Variants in TRIM17 observed in about 807,000 individuals in gnomAD.
TRIM17 encodes the protein tripartite motif containing 17.
In TRIM17, 27 loss-of-function variants were observed where a neutral mutation model predicts 35.8. The observed-to-expected ratio is 0.75, with a 90% CI of 0.56 to 1.04. The LOEUF (loss-of-function observed/expected upper bound fraction) is 1.04. Among genes scored for constraint, TRIM17 ranks in the 50% least tolerant of loss-of-function variants. The pLI, the probability that TRIM17 is intolerant of heterozygous loss-of-function variation, is 0.00. For synonymous variants in TRIM17, 246 were observed against 252.6 expected (o/e 0.97, Z 0.25); for missense variants, 582 against 612.8 (o/e 0.95, Z 0.53).
chr1:228,413,967 C>A (rs1276213323), intron 2 of TRIM17, 75 bp from the exon 3 acceptor site: 2 of 1,268,998 alleles, frequency 1.6e-6, no homozygotes, highest in East Asian at 2.3e-5. Flanking sequence ...GTTGTGCTCG[C>A]TGAAACTGCA....
At position 228,411,323 on chromosome 1, in the gene TRIM17, A is replaced by C. The variant is rs2149106793; in HGVS notation, c.526-147T>G. The C allele has an allele frequency of 1.6e-6, 1 of 644,740 alleles. No individual in the cohort carries two copies. Among genetic ancestry groups the C allele is most frequent in the South Asian group, 2.0e-5 (1 of 49,206 alleles). The allele number at this position is 644,740 out of a possible 1,614,324, so 39.9% of individuals were successfully genotyped here. On this transcript the variant is annotated intron_variant, in intron 3 of 6. Transcript: ENST00000366698. This position sits in a 1 kb window ranked among gnomAD's most constrained non-coding sequence, Gnocchi z 4.2. ...ACCAGGAACTGTGACAGAGGCCCCC[A>C]CCTCTGCCATCCTGTGATACACTGA...
chr1:228,411,582 A>T lies in TRIM17; in HGVS notation c.526-406T>A, dbSNP rs936677962. Among the ~76,000 whole-genome samples the T allele has an allele frequency of 6.6e-6, 1 of 151,996 alleles. No individual in the cohort carries two copies. The highest frequency in any genetic ancestry group is 1.5e-5 in the Non-Finnish European group (1 of 68,006). ...AACCTTGACCTCCTGGGCTCAAGTCATCTGAGTAGCTGGGACCACAGGCAT... is the reference window on the plus strand; with the variant it reads ...AACCTTGACCTCCTGGGCTCAAGTCTTCTGAGTAGCTGGGACCACAGGCAT... On this transcript the variant is annotated intron_variant, in intron 3 of 6. Coordinates refer to ENST00000366698, the MANE Select transcript of TRIM17 (RefSeq NM_016102.4). The surrounding 1 kb of genome is among the most constrained non-coding windows in gnomAD (Gnocchi z 4.2).
chr1:228,414,020 T>TCCA, intron 2 of TRIM17, 128 bp from the exon 3 acceptor site: 1 of 718,500 alleles, frequency 1.4e-6, no homozygotes. Flanking sequence ...GGGATCAAAA[T>TCCA]ACGTCACCCA....
chr1:228,409,240 G>A lies in TRIM17; in HGVS notation c.815C>T (p.Ala272Val), dbSNP rs766079537. 1 of 1,613,894 alleles carries A rather than the reference G, an allele frequency of 6.2e-7. No individual in the cohort carries two copies. Among genetic ancestry groups the A allele is most frequent in the Non-Finnish European group, 8.5e-7 (1 of 1,179,932 alleles). Residue 272 changes from alanine to valine, a missense_variant, in exon 6 of 7, where the codon GCC becomes GTC. Ala to Val is a moderately conservative substitution (Grantham distance 64). Transcript: ENST00000366698. ...CACAGTCCTGGGTCTGGTTGGGGGGGCAACCTCTGGGCACTGCACACTCAC... is the reference window on the plus strand; with the variant it reads ...CACAGTCCTGGGTCTGGTTGGGGGGACAACCTCTGGGCACTGCACACTCAC... Reference protein sequence around the residue: ...NNVSVQCPEVAPPTRPRTVCR... With the variant: ...NNVSVQCPEVVPPTRPRTVCR...
Position 228,416,590 on chromosome 1 carries a change from C to T in TRIM17, c.-93G>A, listed in dbSNP as rs1350529993. On this transcript the variant is annotated 5_prime_UTR_variant, in exon 1 of 7. Coordinates refer to ENST00000366698, the MANE Select transcript of TRIM17 (RefSeq NM_016102.4). ...CCTAGTGCACCTGGCCGAGCGCTCG[C>T]TGCCGGGAAAGGCTGGGTCTGCCCC... The T allele has an allele frequency of 1.0e-6, 1 of 985,566 alleles. No homozygotes were observed. The allele number at this position is 985,566 out of a possible 1,614,324, so 61.1% of individuals were successfully genotyped here. A position where few individuals can be genotyped will look rare whatever the true frequency, so the allele number is the denominator to read the frequency against.
chr1:228,416,544 G>A lies in TRIM17; in HGVS notation c.-47C>T. 1.0e-6 allele frequency: 1 copy of A among 985,702 alleles called. No homozygotes were observed. The highest frequency in any genetic ancestry group is 1.2e-6 in the Non-Finnish European group (1 of 830,286). The allele number at this position is 985,702 out of a possible 1,614,324, so 61.1% of individuals were successfully genotyped here. ...GCGGGGTGGGGGCTACTCACCGCGG[G>A]GAAGGGGGGCCCGCACAGCGCCTAG... is the stretch of plus-strand genomic sequence containing the variant. On this transcript the variant is annotated 5_prime_UTR_variant, in exon 1 of 7. Coordinates refer to ENST00000366698, the MANE Select transcript of TRIM17 (RefSeq NM_016102.4).
In TRIM17 at chr1:228,410,116, T is replaced by C. The variant is rs1574095736; in HGVS notation, c.757-705A>G. On this transcript the variant is annotated intron_variant, in intron 4 of 6. Coordinates refer to ENST00000366698, the MANE Select transcript of TRIM17 (RefSeq NM_016102.4). This position sits in a 1 kb window ranked among gnomAD's most constrained non-coding sequence, Gnocchi z 4.6. ...TTTTCCTTTTCCTTTTTTTTTTTTTTCCTAGATGTGATCTCACCATCACCC... is the reference window on the plus strand; with the variant it reads ...TTTTCCTTTTCCTTTTTTTTTTTTTCCCTAGATGTGATCTCACCATCACCC... 6.6e-6 allele frequency among the ~76,000 whole-genome samples: 1 copy of C among 151,022 alleles called. No homozygotes were observed. The highest frequency in any genetic ancestry group is 6.6e-5 in the Admixed American group (1 of 15,202).
intron 3 of TRIM17, among the ~76,000 whole-genome samples, chr1:228,412,188 C>T (rs748198271): frequency 2.0e-5 from 3 of 152,156 alleles, no homozygotes; most frequent in Non-Finnish European, 4.4e-5. Context: ...CCAGCTGAAA[C>T]CAGTTGAGAC....
In TRIM17 at chr1:228,416,700, GCTGGGGGGCGGC is replaced by G; in HGVS notation, c.-215_-204del. The stretch of plus-strand genomic sequence containing the variant: ...TAGGGACTTTGTGGCGTCAGCGGGG[GCTGGGGGGCGGC>G]GGGGGAGGGGAATGCTGGGCGAGGG... On this transcript the variant is annotated 5_prime_UTR_variant, in exon 1 of 7. Transcript: ENST00000366698. The G allele has an allele frequency of 1.0e-6, 1 of 980,642 alleles. No individual in the cohort carries two copies. The highest frequency in any genetic ancestry group is 1.2e-6 in the Non-Finnish European group (1 of 827,154). The allele number at this position is 980,642 out of a possible 1,614,324, so 60.7% of individuals were successfully genotyped here.
intron 1 of TRIM17, 56 bp from the exon 2 acceptor site, chr1:228,415,169 G>C: frequency 7.3e-7 from 1 of 1,372,056 alleles, no homozygotes; most frequent in Non-Finnish European, 9.7e-7. Context: ...GTGTGCAACC[G>C]TCCTGTACAG....
intron 3 of TRIM17, among the ~76,000 whole-genome samples, 163 bp downstream of exon 3, chr1:228,413,634 G>A (rs1196338555): frequency 1.3e-5 from 2 of 152,204 alleles, no homozygotes; most frequent in African/African-American, 2.4e-5. Flanking sequence ...TCTGTCTTAA[G>A]TCAGTTTCAT....
Position 228,416,842 on chromosome 1 carries a change from A to T in TRIM17, c.-345T>A. 1 of 980,152 alleles carries T rather than the reference A, an allele frequency of 1.0e-6. No individual in the cohort carries two copies. Among genetic ancestry groups the T allele is most frequent in the Non-Finnish European group, 1.2e-6 (1 of 829,104 alleles). The allele number at this position is 980,152 out of a possible 1,614,324, so 60.7% of individuals were successfully genotyped here. A position where few individuals can be genotyped will look rare whatever the true frequency, so the allele number is the denominator to read the frequency against. ...GGAAGGCTCTGGACGAGCCGGGGAC[A>T]GGCGCAGCGGGTGCTGACTGGGCGG... is the stretch of plus-strand genomic sequence containing the variant. On this transcript the variant is annotated 5_prime_UTR_variant, in exon 1 of 7. Transcript: ENST00000366698.
In TRIM17 at chr1:228,411,075, C is replaced by G. The variant is rs543903675; in HGVS notation, c.627G>C (p.Thr209=). 3 of 1,614,056 alleles carry G rather than the reference C, an allele frequency of 1.9e-6. No homozygotes were observed. The highest frequency in any genetic ancestry group is 2.7e-5 in the African/African-American group (2 of 75,064). The change falls in exon 4 of 7, where the codon ACG becomes ACC. Residue 209 remains threonine (T), a synonymous_variant. Coordinates refer to ENST00000366698, the MANE Select transcript of TRIM17 (RefSeq NM_016102.4). The surrounding 1 kb of genome is among the most constrained non-coding windows in gnomAD (Gnocchi z 4.2). ...EEQRLLQALE[T]EEEETASRLR... ...GCCTGCTGGCAGTCTCCTCTTCTTC[C>G]GTCTCCAGAGCCTGGAGGAGCCTCT...
rs1657139934 is a variant in TRIM17, at chr1:228,416,525, TG to T, written c.-42+13del. 1.5e-5 allele frequency: 15 copies of T among 983,998 alleles called. No homozygotes were observed. The South Asian group carries it at 7.1e-4, about 46-fold the overall frequency. 61.0% of individuals were successfully genotyped at this position (983,998 alleles called of 1,614,324 possible). A position where few individuals can be genotyped will look rare whatever the true frequency, so the allele number is the denominator to read the frequency against. On this transcript the variant is annotated intron_variant, in intron 1 of 6. Transcript: ENST00000366698. The stretch of plus-strand genomic sequence containing the variant: ...CAGGAGGGTAGCCTAGGCGGCGGGG[TG>T]GGGGCTACTCACCGCGGGGAAGGGG...
intron 3 of TRIM17, 70 bp downstream of exon 3, chr1:228,413,727 G>GACA: frequency 7.5e-7 from 1 of 1,331,272 alleles, no homozygotes; most frequent in South Asian, 1.2e-5. Context: ...CCCACGGGCA[G>GACA]ACACAGACGT....
At position 228,410,196 on chromosome 1, in the gene TRIM17, A is replaced by G. The variant is rs1403810877; in HGVS notation, c.756+750T>C. On this transcript the variant is annotated intron_variant, in intron 4 of 6. Transcript: ENST00000366698. This position sits in a 1 kb window ranked among gnomAD's most constrained non-coding sequence, Gnocchi z 4.6. Reference sequence around the variant, plus strand: ...CTACAGCCTTGAACTCACGGGCTCAAGCAGTCTTCCTGCCTCAGCCTCCTG... The same window carrying G: ...CTACAGCCTTGAACTCACGGGCTCAGGCAGTCTTCCTGCCTCAGCCTCCTG... Among the ~76,000 whole-genome samples the G allele has an allele frequency of 1.3e-5, 2 of 151,870 alleles. No individual in the cohort carries two copies. Among genetic ancestry groups the G allele is most frequent in the African/African-American group, 4.8e-5 (2 of 41,320 alleles).
Position 228,414,982 on chromosome 1 carries a change from A to C in TRIM17, c.91T>G (p.Cys31Gly). ...DYFTDPVMTT[C>G]GHNFCRACIQ... is the part of the protein sequence containing the mutation. ...CAGGCTCGGCAGAAGTTGTGGCCACAGGTGGTCATCACAGGGTCTGTGAAG... is the reference window on the plus strand; with the variant it reads ...CAGGCTCGGCAGAAGTTGTGGCCACCGGTGGTCATCACAGGGTCTGTGAAG... Residue 31 changes from cysteine (C) to glycine (G), a missense_variant, in exon 2 of 7, where the codon TGT becomes GGT. Cys to Gly is a radical substitution (Grantham distance 159). Transcript: ENST00000366698. 6 of 1,613,254 alleles carry C rather than the reference A, an allele frequency of 3.7e-6. No individual in the cohort carries two copies. Among genetic ancestry groups the C allele is most frequent in the Non-Finnish European group, 5.1e-6 (6 of 1,180,036 alleles).
intron 2 of TRIM17, 89 bp from the exon 3 acceptor site, chr1:228,413,981 AC>A: frequency 1.0e-6 from 1 of 1,002,282 alleles, no homozygotes; most frequent in Non-Finnish European, 1.6e-6. Context: ...AACTGCACCC[AC>A]CCCAGAGACC....
At position 228,416,722 on chromosome 1, in the gene TRIM17, G is replaced by GCC; in HGVS notation, c.-226_-225insGG. On this transcript the variant is annotated 5_prime_UTR_variant, in exon 1 of 7. Coordinates refer to ENST00000366698, the MANE Select transcript of TRIM17 (RefSeq NM_016102.4). ...GGGGCTGGGGGGCGGCGGGGGAGGG[G>GCC]AATGCTGGGCGAGGGAGTGTTCGGC... 1.8e-6 allele frequency: 1 copy of GCC among 568,112 alleles called. No homozygotes were observed. The highest frequency in any genetic ancestry group is 2.2e-6 in the Non-Finnish European group (1 of 453,598). 35.2% of individuals were successfully genotyped at this position (568,112 alleles called of 1,614,324 possible).
Sources: gnomAD v4.1 joint callset for allele counts (sites outside exome capture counted in the v4.1 genomes callset) on GRCh38, gnomAD v4.1.1 for gene constraint, Gnocchi (gnomAD v3.1) non-coding constraint, MANE v1.5 for transcripts, NCBI Gene and HGNC (gene_info 2026-07-23, HGNC 2026-07-21) for gene names.